NACA: variants seen among roughly 807,000 people sequenced by gnomAD.
NACA encodes nascent polypeptide associated complex subunit alpha.
In NACA, 42 loss-of-function variants were observed where a neutral mutation model predicts 86.4. The ratio of observed to expected loss-of-function variants is 0.49; its 90% CI spans 0.38 to 0.63. The LOEUF (loss-of-function observed/expected upper bound fraction) is 0.63. NACA is among the 20% of genes least tolerant of loss of function. The pLI is 0.00. For missense variants in NACA, 2,157 were observed against 2,483.6 expected, an observed-to-expected ratio of 0.87 and a Z score of 2.80; for synonymous variants, 898 against 973.7, an observed-to-expected ratio of 0.92 and a Z score of 1.45.
chr12:56,722,108 TA>T (rs1344666363), intron 2 of NACA, among the ~76,000 whole-genome samples: 5 of 152,236 alleles, frequency 3.3e-5, no homozygotes, highest in Admixed American at 6.5e-5. Context: ...CAGTTCTTCC[TA>T]AAGTTGAAAC....
At position 56,715,857 on chromosome 12, in the gene NACA, A is replaced by T; in HGVS notation, c.5659+14T>A. On this transcript the variant is annotated intron_variant, in intron 3 of 8. Coordinates refer to ENST00000454682, the MANE Select transcript of NACA (RefSeq NM_001365896.1). ...GACAGACACACCATGCACACGGCAA[A>T]CCAAGGCAAATACCCTTGTTGTTCT... 1 of 1,508,608 alleles carries T rather than the reference A, an allele frequency of 6.6e-7. No homozygotes were observed. Among genetic ancestry groups the T allele is most frequent in the Non-Finnish European group, 8.9e-7 (1 of 1,128,296 alleles). 93.5% of individuals were successfully genotyped at this position (1,508,608 alleles called of 1,614,324 possible).
rs1296398736 is a variant in NACA at position 56,724,471 on chromosome 12, C to T, written c.51G>A (p.Pro17=). Residue 17 remains proline (P), a synonymous_variant, in exon 2 of 9, where the codon CCG becomes CCA. Transcript: ENST00000454682. ...ETVPATEQEL[P]QPQAETAVLP... is the part of the protein sequence containing the mutation. ...ACCTACCTGTCTCAGCCTGGGGCTGCGGCAACTCCTGCTCTGTAGCAGGGA... is the reference window on the plus strand; with the variant it reads ...ACCTACCTGTCTCAGCCTGGGGCTGTGGCAACTCCTGCTCTGTAGCAGGGA... The T allele has an allele frequency of 1.2e-6, 2 of 1,612,186 alleles. No homozygotes were observed. Among genetic ancestry groups the T allele is most frequent in the Non-Finnish European group, 1.7e-6 (2 of 1,179,276 alleles).
Position 56,716,142 on chromosome 12 carries a change from TG to T in NACA, c.5387del (p.Pro1796HisfsTer48), listed in dbSNP as rs754796663. 1 of 1,612,932 alleles carries T rather than the reference TG, an allele frequency of 6.2e-7. No individual in the cohort carries two copies. The highest frequency in any genetic ancestry group is 8.5e-7 in the Non-Finnish European group (1 of 1,179,626). Reference protein sequence around the residue: ...ESASVSAAPSPPVSLPLAPSP... With the variant: ...ESASVSAAPSXPVSLPLAPSP... ...AGGGAGCAAGAGGCAGAGAGACTGG[TG>T]GGGAGGGTGCTGCAGAGACAGATGC... On this transcript the variant is annotated frameshift_variant, in exon 3 of 9. Transcript: ENST00000454682. LOFTEE classifies it high-confidence loss of function.
In NACA at chr12:56,719,379, G is replaced by A; in HGVS notation, c.2151C>T (p.Thr717=). 1 of 1,610,928 alleles carries A rather than the reference G, an allele frequency of 6.2e-7. No homozygotes were observed. Among genetic ancestry groups the A allele is most frequent in the Non-Finnish European group, 8.5e-7 (1 of 1,178,564 alleles). Reference sequence around the variant, plus strand: ...GCACTAAGGTAGCCAGAGGAGCACAGGTATTCTGGGGGGATGGAGCCACAG... The same window carrying A: ...GCACTAAGGTAGCCAGAGGAGCACAAGTATTCTGGGGGGATGGAGCCACAG... ...NCPVAPSPQN[T]CAPLATLVLA... is the part of the protein sequence containing the mutation. Residue 717 remains threonine (T), a synonymous_variant, in exon 3 of 9, where the codon ACC becomes ACT. Transcript: ENST00000454682.
At chr12:56,713,254 A>G (rs868609068) in intron 6 of NACA, 64 bp from the exon 7 acceptor site, 6 of 1,563,374 alleles carry the variant, frequency 3.8e-6, no homozygotes, top group Middle Eastern at 3.3e-4. Context: ...TAAATCATAT[A>G]GTTTCACAAC....
At chr12:56,724,711 T>C (rs1202744300) in intron 1 of NACA, 188 bp from the exon 2 acceptor site, 1 of 595,600 alleles carries the variant, frequency 1.7e-6, no homozygotes, top group Non-Finnish European at 2.9e-6. Flanking sequence ...CACGCCTCTA[T>C]CAAGGCCAGC....
In NACA at chr12:56,720,694, G is replaced by A. The variant is rs1405808090; in HGVS notation, c.836C>T (p.Ser279Leu). The change falls in exon 3 of 9, where the codon TCA becomes TTA. Residue 279 changes from serine (S) to leucine (L), a missense_variant. Physicochemically the swap from Ser to Leu is moderately radical, Grantham distance 145. Around this residue, in one of 8 missense-constraint regions of NACA, gnomAD observed 947 missense variants for 917.9 expected, o/e 1.03. Transcript: ENST00000454682. Reference protein sequence around the residue: ...PVSPPAALSLSTQSLPVVTSS... With the variant: ...PVSPPAALSLLTQSLPVVTSS... ...GGTCACCACAGGAAGAGACTGAGTT[G>A]AAAGAGATAAGGCAGCAGGTGGACT... 2 of 1,613,850 alleles carry A rather than the reference G, an allele frequency of 1.2e-6. No individual in the cohort carries two copies. Among genetic ancestry groups the A allele is most frequent in the Admixed American group, 3.3e-5 (2 of 60,002 alleles).
rs1456760592 is a variant in NACA, at chr12:56,717,468, G to A, written c.4062C>T (p.Pro1354=). ...GAGTAGTTGGGCCTCCTTTAGAGGAGGGAGTTGTAGCTGGGAGAGTAGGGG... is the reference window on the plus strand; with the variant it reads ...GAGTAGTTGGGCCTCCTTTAGAGGAAGGAGTTGTAGCTGGGAGAGTAGGGG... The part of the protein sequence containing the change: ...KGTPTLPATT[P]SSKGGPTTPS... The change falls in exon 3 of 9, where the codon CCC becomes CCT. Residue 1354 remains proline (P), a synonymous_variant. Transcript: ENST00000454682. 1 of 1,379,394 alleles carries A rather than the reference G, an allele frequency of 7.2e-7. No homozygotes were observed. Among genetic ancestry groups the A allele is most frequent in the Non-Finnish European group, 9.6e-7 (1 of 1,040,310 alleles). 85.4% of individuals were successfully genotyped at this position (1,379,394 alleles called of 1,614,324 possible).
At position 56,712,600 on chromosome 12, in the gene NACA, G is replaced by T. The variant is rs79407407; in HGVS notation, c.6223-48C>A. 1.3e-4 allele frequency: 206 copies of T among 1,608,844 alleles called. 1 individual carries two copies. The East Asian group carries it at 4.4e-3, about 34-fold the overall frequency. ...AGCGGTTCTTATAGGCAAATCAGGA[G>T]AATTCAGGTCACTAAAACTCTTACA... On this transcript the variant is annotated intron_variant, in intron 8 of 8. Transcript: ENST00000454682.
At position 56,716,628 on chromosome 12, in the gene NACA, T is replaced by C; in HGVS notation, c.4902A>G (p.Lys1634=). 6.9e-7 allele frequency: 1 copy of C among 1,447,746 alleles called. No homozygotes were observed. The highest frequency in any genetic ancestry group is 9.3e-7 in the Non-Finnish European group (1 of 1,072,510). 89.7% of individuals were successfully genotyped at this position (1,447,746 alleles called of 1,614,324 possible). Residue 1634 remains lysine, a synonymous_variant, in exon 3 of 9, where the codon AAA becomes AAG. Transcript: ENST00000454682. ...PEKGPATPAP[K]GTPTSPPVTP... is the part of the protein sequence containing the mutation. ...TCACAGGTGGGGAAGTGGGAGTCCC[T>C]TTGGGGGCTGGAGTTGCTGGGCCCT...
In NACA at chr12:56,712,861, T is replaced by C. The variant is rs1352207848; in HGVS notation, c.6147A>G (p.Ser2049=). Residue 2049 remains serine (S), a synonymous_variant, in exon 8 of 9, where the codon TCA becomes TCG. Transcript: ENST00000454682. The part of the protein sequence containing the change: ...VEVKDIELVM[S]QANVSRAKAV... ...CCTTTGCTCTCGACACATTTGCTTG[T>C]GACATGACCAATTCAATGTCCTTAA... 6.8e-6 allele frequency: 11 copies of C among 1,614,088 alleles called. No homozygotes were observed. Among genetic ancestry groups the C allele is most frequent in the South Asian group, 1.1e-5 (1 of 91,086 alleles).
At chr12:56,722,038 A>G (rs1398449199) in intron 2 of NACA, among the ~76,000 whole-genome samples, 2 of 151,988 alleles carry the variant, frequency 1.3e-5, no homozygotes, top group Admixed American at 1.3e-4. Context: ...GGCTTCCACT[A>G]GGCTAGGAAA....
intron 2 of NACA, among the ~76,000 whole-genome samples, chr12:56,722,698 A>G (rs1953605582): frequency 6.6e-6 from 1 of 152,044 alleles, no homozygotes; most frequent in Non-Finnish European, 1.5e-5. Flanking sequence ...TCTCAAAACA[A>G]AACAAACCAA....
Position 56,716,395 on chromosome 12 carries a change from G to C in NACA, c.5135C>G (p.Thr1712Ser), listed in dbSNP as rs778589210. 17 of 1,607,328 alleles carry C rather than the reference G, an allele frequency of 1.1e-5. No individual in the cohort carries two copies. In the South Asian group the frequency reaches 1.9e-4, roughly 18 times the overall value. Reference protein sequence around the residue: ...KGPQTKKSSATSPPICPDPSA... With the variant: ...KGPQTKKSSASSPPICPDPSA... ...GGGATCTGGGCATATAGGAGGTGAA[G>C]TAGCAGAACTCTTTTTGGTCTGTGG... Residue 1712 changes from threonine to serine, a missense_variant, in exon 3 of 9, where the codon ACT (threonine) becomes AGT (serine). Physicochemically the swap from Thr to Ser is moderately conservative, Grantham distance 58 (BLOSUM62 1). Around this residue, in one of 8 missense-constraint regions of NACA, gnomAD observed 797 missense variants for 777.6 expected, o/e 1.02. Coordinates refer to ENST00000454682, the MANE Select transcript of NACA (RefSeq NM_001365896.1).
chr12:56,723,996 T>C (rs1312886992), intron 2 of NACA, among the ~76,000 whole-genome samples: 1 of 152,322 alleles, frequency 6.6e-6, no homozygotes, highest in South Asian at 2.1e-4. Context: ...AGGACACATT[T>C]ACCACCAGCA....
intron 2 of NACA, among the ~76,000 whole-genome samples, 181 bp downstream of exon 2, chr12:56,724,271 A>G (rs1421410885): frequency 6.6e-6 from 1 of 152,322 alleles, no homozygotes; most frequent in Admixed American, 6.5e-5. Flanking sequence ...AATCTTAAAA[A>G]TATTATTTTT....
intron 2 of NACA, 28 bp downstream of exon 2, chr12:56,724,424 T>G: frequency 6.3e-7 from 1 of 1,592,590 alleles, no homozygotes; most frequent in Non-Finnish European, 8.5e-7. Flanking sequence ...TAATTTTAAT[T>G]AATGGCAAGG....
In NACA at chr12:56,713,543, T is replaced by C; in HGVS notation, c.5964A>G (p.Glu1988=). The C allele has an allele frequency of 6.2e-7, 1 of 1,613,812 alleles. No individual in the cohort carries two copies. Among genetic ancestry groups the C allele is most frequent in the Non-Finnish European group, 8.5e-7 (1 of 1,179,816 alleles). Reference sequence around the variant, plus strand: ...CCAAGAAAAGTTTACTCACCTTGGCTTCCCCAAAAACTATGTAAGTATCTG... The same window carrying C: ...CCAAGAAAAGTTTACTCACCTTGGCCTCCCCAAAAACTATGTAAGTATCTG... ...PASDTYIVFG[E]AKIEDLSQQA... is the part of the protein sequence containing the mutation. The change falls in exon 6 of 9, where the codon GAA becomes GAG. Residue 1988 remains glutamate, a synonymous_variant. Transcript: ENST00000454682.
rs1953657580 is a variant in NACA, at chr12:56,724,499, G to A, written c.23C>T (p.Thr8Ile). 6.2e-7 allele frequency: 1 copy of A among 1,612,888 alleles called. No homozygotes were observed. The highest frequency in any genetic ancestry group is 8.5e-7 in the Non-Finnish European group (1 of 1,179,512). Residue 8 changes from threonine (T) to isoleucine (I), a missense_variant, in exon 2 of 9, where the codon ACC (threonine) becomes ATC (isoleucine). Around this residue, in one of 8 missense-constraint regions of NACA, gnomAD observed 947 missense variants for 917.9 expected, o/e 1.03. Coordinates refer to ENST00000454682, the MANE Select transcript of NACA (RefSeq NM_001365896.1). The stretch of plus-strand genomic sequence containing the variant: ...CAACTCCTGCTCTGTAGCAGGGACG[G>A]TTTCTGTGGCTTCGCCGGGCATTTC... Reference protein sequence around the residue: MPGEATETVPATEQELPQ... With the variant: MPGEATEIVPATEQELPQ...
Sources: gnomAD v4.1 joint callset for allele counts (sites outside exome capture counted in the v4.1 genomes callset) on GRCh38, gnomAD v4.1.1 for gene constraint, gnomAD v4.1.1 regional missense constraint, MANE v1.5 for transcripts, NCBI Gene and HGNC (gene_info 2026-07-23, HGNC 2026-07-21) for gene names.